Variants in DPP10 observed in about 807,000 individuals in gnomAD.
The protein encoded by DPP10 is dipeptidyl peptidase like 10.
In DPP10, 33 loss-of-function variants were observed where a neutral mutation model predicts 120.9. The ratio of observed to expected loss-of-function variants is 0.27; its 90% CI spans 0.21 to 0.37. DPP10 has a LOEUF of 0.37. DPP10 is among the 10% of genes least tolerant of loss of function. DPP10 has a pLI of 1.00. For synonymous variants in DPP10, 337 were observed against 326.1 expected (o/e 1.03, Z -0.36); for missense variants, 816 against 942.8 (o/e 0.87, Z 1.76).
At chr2:114,634,441 G>C (rs1184461956) in intron 1 of DPP10, among the ~76,000 whole-genome samples, 2 of 151,614 alleles carry the variant, frequency 1.3e-5, no homozygotes, top group Admixed American at 1.3e-4. Context: ...GGAGTTATTT[G>C]CCTGAACACA....
chr2:114,610,678 G>T (rs904900462), intron 1 of DPP10, among the ~76,000 whole-genome samples: 1 of 152,076 alleles, frequency 6.6e-6, no homozygotes, highest in Admixed American at 6.6e-5. Flanking sequence ...ACAATTTGGG[G>T]AAGTCTGGTG....
intron 1 of DPP10, among the ~76,000 whole-genome samples, chr2:114,506,740 G>A (rs558840052): frequency 1.3e-5 from 2 of 152,146 alleles, no homozygotes; most frequent in Non-Finnish European, 2.9e-5. Flanking sequence ...CAAGCAAGTG[G>A]AGTCTGACCC....
chr2:115,583,691 A>C (rs555461679), intron 5 of DPP10, among the ~76,000 whole-genome samples: 2 of 152,344 alleles, frequency 1.3e-5, no homozygotes, highest in East Asian at 3.9e-4. Flanking sequence ...TCAAATAGTC[A>C]CATGCCTGTT....
chr2:114,697,320 A>C (rs762417276), intron 1 of DPP10, among the ~76,000 whole-genome samples: 3 of 152,120 alleles, frequency 2.0e-5, no homozygotes, highest in Non-Finnish European at 4.4e-5. Context: ...ATGGGAAAGG[A>C]AATTTAATGC....
chr2:114,735,697 T>C (rs909454027), intron 1 of DPP10, among the ~76,000 whole-genome samples: 2 of 152,112 alleles, frequency 1.3e-5, no homozygotes, highest in African/African-American at 2.4e-5. Flanking sequence ...AGAGGAACTT[T>C]GCAGGCATTT....
At chr2:115,685,306 C>T (rs983418031) in intron 5 of DPP10, among the ~76,000 whole-genome samples, 1 of 151,876 alleles carries the variant, frequency 6.6e-6, no homozygotes, top group Non-Finnish European at 1.5e-5. Context: ...TAAATCACTT[C>T]GACTAAGTCA....
intron 5 of DPP10, among the ~76,000 whole-genome samples, chr2:115,649,240 G>C (rs1271559550): frequency 6.6e-6 from 1 of 152,050 alleles, no homozygotes; most frequent in Non-Finnish European, 1.5e-5. Context: ...TGTGAGAGGA[G>C]CTACTCTTCT....
intron 1 of DPP10, among the ~76,000 whole-genome samples, chr2:115,077,662 CT>C (rs1219383996): frequency 1.3e-5 from 2 of 152,212 alleles, no homozygotes; most frequent in Non-Finnish European, 2.9e-5. Context: ...CCTTTAACTT[CT>C]TTTTCCTGAT....
intron 1 of DPP10, among the ~76,000 whole-genome samples, chr2:114,449,475 T>C (rs923533595): frequency 2.0e-5 from 3 of 152,090 alleles, no homozygotes; most frequent in Non-Finnish European, 4.4e-5. Context: ...TTTTCTTTTT[T>C]TTTTTTTTTA....
At chr2:115,176,268 AT>A (rs2053682038) in intron 1 of DPP10, among the ~76,000 whole-genome samples, 1 of 147,640 alleles carries the variant, frequency 6.8e-6, no homozygotes, top group Non-Finnish European at 1.5e-5. Context: ...TATTTTATAT[AT>A]TTTATAAAAA....
At chr2:114,527,218 C>A (rs997167979) in intron 1 of DPP10, among the ~76,000 whole-genome samples, 1 of 152,146 alleles carries the variant, frequency 6.6e-6, no homozygotes, top group African/African-American at 2.4e-5. Flanking sequence ...AATGTGGGGT[C>A]ACTAAATCCT....
intron 1 of DPP10, among the ~76,000 whole-genome samples, chr2:114,672,488 T>A (rs1698409639): frequency 6.6e-6 from 1 of 152,176 alleles, no homozygotes; most frequent in Admixed American, 6.5e-5. Flanking sequence ...TGTCAATACT[T>A]TCTGAGTATG....
At chr2:114,517,954 C>T (rs17765215) in intron 1 of DPP10, among the ~76,000 whole-genome samples, 54,797 of 151,802 alleles carry the variant, frequency 0.36, 10,494 homozygotes, top group Non-Finnish European at 0.43. Context: ...TCTTCTGCAC[C>T]GATTCAGTCA....
chr2:115,049,656 C>A (rs1705319503), intron 1 of DPP10, among the ~76,000 whole-genome samples: 1 of 152,170 alleles, frequency 6.6e-6, no homozygotes, highest in African/African-American at 2.4e-5. Flanking sequence ...GTATCTGAAT[C>A]TTTCATTCCA....
chr2:115,091,481 GT>G (rs1311380182), intron 1 of DPP10, among the ~76,000 whole-genome samples: 1 of 151,860 alleles, frequency 6.6e-6, no homozygotes, highest in African/African-American at 2.4e-5. Context: ...TAGTTTTTTT[GT>G]TTTTTTGTTT....
chr2:115,811,354 A>G (rs915851632), intron 19 of DPP10, among the ~76,000 whole-genome samples: 2 of 152,198 alleles, frequency 1.3e-5, no homozygotes, highest in Admixed American at 6.5e-5. Context: ...AGAAGAGAGC[A>G]AAAGAGTGAA....
chr2:115,613,811 G>A (rs558357720), intron 5 of DPP10, among the ~76,000 whole-genome samples: 1 of 152,308 alleles, frequency 6.6e-6, no homozygotes, highest in Admixed American at 6.5e-5. Flanking sequence ...AAATACCAAT[G>A]AGAAAGTGGG....
rs1324048216 is a variant in DPP10, at chr2:115,590,901, C to T, written c.441+64929C>T. ...GGTATCTCATTGTGGTTTTGATTTG[C>T]ATTTCTCTGATGGCCAGTGATGATG... is the stretch of plus-strand genomic sequence containing the variant. On this transcript the variant is annotated intron_variant, in intron 5 of 25. Coordinates refer to ENST00000410059, the MANE Select transcript of DPP10 (RefSeq NM_020868.6). Among the ~76,000 whole-genome samples, 5 of 152,200 alleles carry T rather than the reference C, an allele frequency of 3.3e-5. No homozygotes were observed. The East Asian group carries it at 7.7e-4, about 23-fold the overall frequency.
At chr2:115,827,792 TC>T (rs1380627719) in intron 21 of DPP10, among the ~76,000 whole-genome samples, 1 of 151,876 alleles carries the variant, frequency 6.6e-6, no homozygotes, top group East Asian at 1.9e-4. Context: ...GATGGGGGTT[TC>T]ACCGTTATGG....
Sources: allele counts gnomAD v4.1 joint callset (sites outside exome capture counted in the v4.1 genomes callset), GRCh38; gene constraint gnomAD v4.1.1; transcripts MANE v1.5; gene names NCBI Gene and HGNC (gene_info 2026-07-23, HGNC 2026-07-21).